The following CDH23 variants were observed in gnomAD, a reference collection of about 807,000 sequenced individuals.
The protein encoded by CDH23 is cadherin related 23, also known as cadherin-23.
Under a neutral mutation model 317.1 loss-of-function variants are expected in CDH23, and 189 were observed. The ratio of observed to expected loss-of-function variants is 0.60; its 90% CI spans 0.53 to 0.67. The LOEUF (loss-of-function observed/expected upper bound fraction) is 0.67, where lower values mean the gene tolerates loss of function less well. CDH23 is among the 30% of genes least tolerant of loss of function. CDH23 has a pLI of 0.00. For missense variants in CDH23, 4,401 were observed against 4,592.4 expected, an observed-to-expected ratio of 0.96 and a Z score of 1.20; for synonymous variants, 1,839 against 1,876.8, an observed-to-expected ratio of 0.98 and a Z score of 0.52.
intron 18 of CDH23, among the ~76,000 whole-genome samples, chr10:71,684,108 AAC>A (rs1157083203): frequency 1.3e-3 from 50 of 39,212 alleles, no homozygotes; most frequent in Middle Eastern, 0.013. Context: ...AACAAACAAC[AAC>A]AAAAAAAAAC....
chr10:71,438,856 A>G (rs945802562), intron 1 of CDH23, among the ~76,000 whole-genome samples: 1 of 152,182 alleles, frequency 6.6e-6, no homozygotes, highest in East Asian at 1.9e-4. Context: ...CACAGTAGGT[A>G]TGCACTGAAG....
At chr10:71,797,596 C>T (rs1841436405) in intron 49 of CDH23, among the ~76,000 whole-genome samples, 2 of 152,092 alleles carry the variant, frequency 1.3e-5, no homozygotes, top group South Asian at 4.1e-4. Context: ...GATGGGAACC[C>T]TATGATCTTA....
At chr10:71,619,564 C>T (rs539324360) in intron 11 of CDH23, among the ~76,000 whole-genome samples, 3 of 152,110 alleles carry the variant, frequency 2.0e-5, no homozygotes, top group Non-Finnish European at 4.4e-5. Flanking sequence ...TGGATACCAG[C>T]GTGGGGTCCA....
intron 14 of CDH23, among the ~76,000 whole-genome samples, chr10:71,652,328 T>C (rs1863213780): frequency 6.6e-6 from 1 of 152,240 alleles, no homozygotes; most frequent in Admixed American, 6.5e-5. Context: ...AATCCTGTCT[T>C]ACTATGAGCT....
chr10:71,452,418 C>T (rs1850493617), intron 3 of CDH23, among the ~76,000 whole-genome samples: 1 of 152,176 alleles, frequency 6.6e-6, no homozygotes, highest in African/African-American at 2.4e-5. Flanking sequence ...CCCCACTCTC[C>T]ACAGACACCT....
At chr10:71,755,117 G>A (rs1198286105) in intron 38 of CDH23, 1 of 649,574 alleles carries the variant, frequency 1.5e-6, no homozygotes, top group African/African-American at 1.8e-5. Context: ...CATGTATTGA[G>A]TGCCGAGCCA....
At chr10:71,688,454 T>C (rs925278521) in intron 19 of CDH23, among the ~76,000 whole-genome samples, 2 of 151,520 alleles carry the variant, frequency 1.3e-5, no homozygotes, top group Non-Finnish European at 2.9e-5. Flanking sequence ...GAGCCAGGGA[T>C]GGTGGAATAA....
At chr10:71,619,693 C>T (rs1468247183) in intron 11 of CDH23, among the ~76,000 whole-genome samples, 1 of 152,204 alleles carries the variant, frequency 6.6e-6, no homozygotes, top group Non-Finnish European at 1.5e-5. Flanking sequence ...TGGCTGGCCA[C>T]AGCAGGCCAT....
chr10:71,528,297 CCTA>C (rs1855157163), intron 6 of CDH23, among the ~76,000 whole-genome samples: 3 of 151,860 alleles, frequency 2.0e-5, no homozygotes, highest in Admixed American at 2.0e-4. Flanking sequence ...GTGTTCTCTC[CCTA>C]AAGAAGGTCA....
At chr10:71,444,994 G>T (rs1289213854) in intron 2 of CDH23, among the ~76,000 whole-genome samples, 2 of 152,138 alleles carry the variant, frequency 1.3e-5, no homozygotes, top group Admixed American at 1.3e-4. Context: ...GGGACAGGTG[G>T]GGTCAGCTCA....
At chr10:71,757,426 A>G (rs1366031990) in intron 38 of CDH23, among the ~76,000 whole-genome samples, 1 of 152,172 alleles carries the variant, frequency 6.6e-6, no homozygotes, top group Admixed American at 6.5e-5. Context: ...AGGGGCGCAG[A>G]GGTTTGGGGA....
At chr10:71,528,185 G>A (rs768173296) in intron 6 of CDH23, among the ~76,000 whole-genome samples, 8 of 152,068 alleles carry the variant, frequency 5.3e-5, no homozygotes, top group Non-Finnish European at 1.2e-4. Flanking sequence ...TAGCATTCCT[G>A]TGCCCAGAAA....
intron 38 of CDH23, chr10:71,773,544 G>GGGCGGCCCCAGCGCCGTGCTCCA: frequency 2.6e-6 from 3 of 1,170,134 alleles, no homozygotes; most frequent in Non-Finnish European, 3.6e-6. Context: ...TGAGCGCTGC[G>GGGCGGCCCCAGCGCCGTGCTCCA]GGCGGCCCCA....
intron 38 of CDH23, chr10:71,760,618 C>A: frequency 2.1e-6 from 1 of 475,638 alleles, no homozygotes; most frequent in Non-Finnish European, 3.8e-6. Context: ...GGCCAAAGGT[C>A]ACTGCCAAGG....
At chr10:71,715,767 T>C in intron 28 of CDH23, 1 of 554,428 alleles carries the variant, frequency 1.8e-6, no homozygotes, top group Non-Finnish European at 3.0e-6. Flanking sequence ...CTGAGGATCA[T>C]CTTTGGGAAA....
chr10:71,643,071 A>G (rs185112121), intron 11 of CDH23, among the ~76,000 whole-genome samples: 6 of 152,350 alleles, frequency 3.9e-5, no homozygotes, highest in African/African-American at 1.4e-4. Flanking sequence ...AGTAGGTGCT[A>G]GGTTGTTAGT....
intron 46 of CDH23, among the ~76,000 whole-genome samples, 157 bp from the exon 47 acceptor site, chr10:71,790,975 G>A (rs774222399): frequency 1.3e-5 from 2 of 152,202 alleles, no homozygotes; most frequent in Admixed American, 6.5e-5. Flanking sequence ...TTGAGCCTGT[G>A]GGGGAGAAAG....
At chr10:71,785,236 G>A in intron 43 of CDH23, 136 bp downstream of exon 43, 4 of 680,844 alleles carry the variant, frequency 5.9e-6, no homozygotes, top group Non-Finnish European at 7.4e-6. Context: ...GGACACCTCT[G>A]TGGGAAGCAT....
chr10:71,720,221 T>C (rs899009236), intron 28 of CDH23, among the ~76,000 whole-genome samples: 1 of 152,172 alleles, frequency 6.6e-6, no homozygotes, highest in African/African-American at 2.4e-5. Flanking sequence ...TGGGCCCCAT[T>C]CCTTCCAGGC....
Sources: gnomAD v4.1 joint callset for allele counts (sites outside exome capture counted in the v4.1 genomes callset) on GRCh38, gnomAD v4.1.1 for gene constraint, MANE v1.5 for transcripts, NCBI Gene and HGNC (gene_info 2026-07-23, HGNC 2026-07-21) for gene names.